Variants in MED6 observed in about 807,000 individuals in gnomAD.
MED6 encodes mediator complex subunit 6, also known as mediator of RNA polymerase II transcription subunit 6.
In MED6, 33 loss-of-function variants were observed where a neutral mutation model predicts 37.5. That is an observed-to-expected ratio of 0.88 (90% confidence interval 0.67 to 1.18). MED6 has a LOEUF of 1.18. Ranked by LOEUF, MED6 falls within the 50% of genes most tolerant of loss-of-function variation. The pLI is 0.00. For missense variants in MED6, 235 were observed against 290.6 expected, an observed-to-expected ratio of 0.81 and a Z score of 1.39; for synonymous variants, 94 against 93.6, an observed-to-expected ratio of 1.00 and a Z score of -0.02.
chr14:70,585,931 T>C (rs1339921233), intron 6 of MED6, 148 bp from the exon 7 acceptor site: 3 of 595,688 alleles, frequency 5.0e-6, no homozygotes, highest in Admixed American at 7.1e-5. Flanking sequence ...GAAGAAAAGC[T>C]ACTATGTATG....
chr14:70,588,251 T>C (rs957107726), intron 6 of MED6, among the ~76,000 whole-genome samples: 5 of 152,174 alleles, frequency 3.3e-5, no homozygotes, highest in Middle Eastern at 3.2e-3. Flanking sequence ...TACTCTATCT[T>C]TGGGAGTTGG....
Position 70,585,786 on chromosome 14 carries a change from A to G in MED6, c.583-3T>C, listed in dbSNP as rs1329759388. 5 of 1,601,226 alleles carry G rather than the reference A, an allele frequency of 3.1e-6. No homozygotes were observed. The South Asian group carries it at 3.4e-5, about 11-fold the overall frequency. On this transcript the variant is annotated splice_polypyrimidine_tract_variant and splice_region_variant and intron_variant, in intron 6 of 7. Coordinates refer to ENST00000256379, the MANE Select transcript of MED6 (RefSeq NM_005466.4). ...ACAGGCTTTTCTCCAGGCTTTAGCT[A>G]TAATTTTTTAGAAAAAAGGGAGGGA...
chr14:70,596,243 G>T, intron 3 of MED6: 1 of 191,020 alleles, frequency 5.2e-6, no homozygotes, highest in Non-Finnish European at 1.1e-5. Context: ...GTCTTATATG[G>T]ACTTCCCTGA....
rs188961517 is a variant in MED6 at position 70,586,086 on chromosome 14, A to G, written c.583-303T>C. The stretch of plus-strand genomic sequence containing the variant: ...CTTCCACCTCCACACCCAGGCTACA[A>G]TGCTTTATAAAAAGCAGTTCAGTAG... On this transcript the variant is annotated intron_variant, in intron 6 of 7. Coordinates refer to ENST00000256379, the MANE Select transcript of MED6 (RefSeq NM_005466.4). 1.6e-3 allele frequency among the ~76,000 whole-genome samples: 246 copies of G among 152,334 alleles called. 3 individuals carry two copies. Among genetic ancestry groups the G allele is most frequent in the Non-Finnish European group, 1.7e-3 (118 of 68,026 alleles).
At chr14:70,592,214 G>A (rs1258905234) in intron 5 of MED6, among the ~76,000 whole-genome samples, 1 of 152,176 alleles carries the variant, frequency 6.6e-6, no homozygotes, top group Non-Finnish European at 1.5e-5. Flanking sequence ...CATTTCTGGA[G>A]GTAGTCGAAC....
At chr14:70,594,525 G>A (rs1884982542) in intron 3 of MED6, 4 of 365,806 alleles carry the variant, frequency 1.1e-5, no homozygotes, top group Non-Finnish European at 2.2e-5. Context: ...CCTGAGTCCT[G>A]TCCTCTCACT....
chr14:70,599,519 T>C (rs1885142716), intron 1 of MED6, among the ~76,000 whole-genome samples: 1 of 152,214 alleles, frequency 6.6e-6, no homozygotes, highest in Admixed American at 6.5e-5. Context: ...CCAATGGCTC[T>C]GCGTTTTACT....
At chr14:70,594,329 T>C (rs929571777) in intron 3 of MED6, among the ~76,000 whole-genome samples, 18 of 152,236 alleles carry the variant, frequency 1.2e-4, no homozygotes, top group African/African-American at 4.1e-4. Flanking sequence ...CTCTTCAGTG[T>C]TGTTTCTAAA....
At chr14:70,600,107 C>T (rs1885161497) in intron 1 of MED6, among the ~76,000 whole-genome samples, 1 of 152,100 alleles carries the variant, frequency 6.6e-6, no homozygotes, top group Non-Finnish European at 1.5e-5. Flanking sequence ...AATACGACCC[C>T]TGCCCATAAT....
Position 70,584,433 on chromosome 14 carries a change from A to G in MED6, c.*380T>C. 2.9e-6 allele frequency: 1 copy of G among 349,586 alleles called. No homozygotes were observed. The highest frequency in any genetic ancestry group is 5.2e-6 in the Non-Finnish European group (1 of 193,572). 21.7% of individuals were successfully genotyped at this position (349,586 alleles called of 1,614,324 possible). On this transcript the variant is annotated 3_prime_UTR_variant, in exon 8 of 8. Coordinates refer to ENST00000256379, the MANE Select transcript of MED6 (RefSeq NM_005466.4). ...TCTGTCGCCCAAGCTGGAGTGCAAC[A>G]GCATGATAATCAGCTCAGGGCAACC...
At chr14:70,585,178 G>A (rs1055830055) in intron 7 of MED6, among the ~76,000 whole-genome samples, 4 of 152,168 alleles carry the variant, frequency 2.6e-5, no homozygotes, top group Non-Finnish European at 5.9e-5. Flanking sequence ...AAGTAAGACA[G>A]TATGTAAAAA....
chr14:70,589,821 A>G (rs1027257748), intron 6 of MED6, among the ~76,000 whole-genome samples: 1 of 152,138 alleles, frequency 6.6e-6, no homozygotes, highest in Non-Finnish European at 1.5e-5. Flanking sequence ...CCTTCAGAGG[A>G]TTCTTCTGGT....
chr14:70,596,527 A>C (rs980811320), intron 3 of MED6, 84 bp downstream of exon 3: 3 of 1,076,756 alleles, frequency 2.8e-6, no homozygotes, highest in African/African-American at 3.2e-5. Flanking sequence ...AACAGAAACC[A>C]ATCAAAAAAA....
intron 1 of MED6, 78 bp downstream of exon 1, chr14:70,600,538 A>G: frequency 6.5e-7 from 1 of 1,546,550 alleles, no homozygotes; most frequent in Non-Finnish European, 8.9e-7. Flanking sequence ...AAGGAACCTA[A>G]ACCTTGAAAC....
At chr14:70,597,823 GAATCC>G (rs1885088892) in intron 1 of MED6, 46 bp from the exon 2 acceptor site, 1 of 1,463,966 alleles carries the variant, frequency 6.8e-7, no homozygotes, top group East Asian at 2.6e-5. Context: ...AAAATAGAAA[GAATCC>G]AATCCAACAA....
Position 70,584,769 on chromosome 14 carries a change from T to C in MED6, c.*44A>G. The C allele has an allele frequency of 3.1e-6, 5 of 1,598,584 alleles. No individual in the cohort carries two copies. The highest frequency in any genetic ancestry group is 4.3e-6 in the Non-Finnish European group (5 of 1,174,628). On this transcript the variant is annotated 3_prime_UTR_variant, in exon 8 of 8. Transcript: ENST00000256379. ...CAAGAGCCACAGTACTGAGGTATGA[T>C]AACTAGCATGAGGAGTCTTCCAGGC...
chr14:70,596,367 CA>C (rs1162920176), intron 3 of MED6: 1 of 375,812 alleles, frequency 2.7e-6, no homozygotes, highest in African/African-American at 2.0e-5. Context: ...CTACAGACCC[CA>C]CCTGACATGT....
chr14:70,583,469 T>C lies in MED6; in HGVS notation c.*1344A>G, dbSNP rs2139582808. 6.6e-6 allele frequency: 1 copy of C among 152,342 alleles called. No individual in the cohort carries two copies. Among genetic ancestry groups the C allele is most frequent in the African/African-American group, 2.4e-5 (1 of 41,582 alleles). 9.4% of individuals were successfully genotyped at this position (152,342 alleles called of 1,614,324 possible). On this transcript the variant is annotated 3_prime_UTR_variant, in exon 8 of 8. Coordinates refer to ENST00000256379, the MANE Select transcript of MED6 (RefSeq NM_005466.4). ...CAAACTTCGCTGTTTGAGTGATCAC[T>C]AGTCCAACATTTTGAGGAACAACTT...
intron 1 of MED6, 141 bp downstream of exon 1, chr14:70,600,475 A>T: frequency 1.3e-6 from 1 of 768,320 alleles, no homozygotes; most frequent in Non-Finnish European, 2.0e-6. Flanking sequence ...TCGCTAGATC[A>T]CAGCCTTGGG....
Sources: gnomAD v4.1 joint callset for allele counts (sites outside exome capture counted in the v4.1 genomes callset) on GRCh38, gnomAD v4.1.1 for gene constraint, MANE v1.5 for transcripts, NCBI Gene and HGNC (gene_info 2026-07-23, HGNC 2026-07-21) for gene names.